The following RYR3 variants were observed in gnomAD, a reference collection of about 807,000 sequenced individuals.
RYR3 encodes ryanodine receptor 3, also known as brain ryanodine receptor-calcium release channel.
In RYR3, 207 loss-of-function variants were observed where a neutral mutation model predicts 584.3. The observed-to-expected ratio is 0.35, with a 90% CI of 0.32 to 0.40. The LOEUF is 0.40. Ranked by LOEUF, RYR3 falls within the 10% of genes least tolerant of loss-of-function variation. The pLI is 1.00. For synonymous variants in RYR3, 2,416 were observed against 2,248.5 expected, an observed-to-expected ratio of 1.07 and a Z score of -2.11; for missense variants, 5,616 against 6,089.2, an observed-to-expected ratio of 0.92 and a Z score of 2.59.
chr15:33,336,983 G>A (rs1220639559), intron 1 of RYR3, among the ~76,000 whole-genome samples: 4 of 148,838 alleles, frequency 2.7e-5, no homozygotes, highest in Non-Finnish European at 5.9e-5. Context: ...GCGTGAACCT[G>A]GGAGGTGGAG....
intron 1 of RYR3, among the ~76,000 whole-genome samples, chr15:33,459,155 A>T (rs879347800): frequency 6.6e-6 from 1 of 152,198 alleles, no homozygotes. Context: ...AGGCATCAAT[A>T]TATTTTTACA....
At chr15:33,781,198 G>C (rs1315773745) in intron 65 of RYR3, among the ~76,000 whole-genome samples, 1 of 152,162 alleles carries the variant, frequency 6.6e-6, no homozygotes, top group Admixed American at 6.5e-5. Context: ...CCTGCCTAAG[G>C]ATAAGGGAAT....
chr15:33,559,360 CAGG>C (rs1297719886), intron 10 of RYR3, among the ~76,000 whole-genome samples: 1 of 152,116 alleles, frequency 6.6e-6, no homozygotes, highest in Non-Finnish European at 1.5e-5. Context: ...TGAGGAGACA[CAGG>C]AGAGGCTTAG....
rs77967955 is a variant in RYR3 at position 33,455,239 on chromosome 15, T to C, written c.52-18180T>C. ...CACCTGTGGGAAGGAACAATTATGA[T>C]GTGAGTTTTGGATGAACTGACTTGC... On this transcript the variant is annotated intron_variant, in intron 1 of 103. Transcript: ENST00000634891. 2.5e-3 allele frequency among the ~76,000 whole-genome samples: 387 copies of C among 152,248 alleles called. 1 individual carries two copies. Among genetic ancestry groups the C allele is most frequent in the African/African-American group, 8.9e-3 (371 of 41,534 alleles).
At chr15:33,406,529 C>A (rs2043030858) in intron 1 of RYR3, among the ~76,000 whole-genome samples, 1 of 152,192 alleles carries the variant, frequency 6.6e-6, no homozygotes, top group East Asian at 1.9e-4. Flanking sequence ...CAAAGATAAC[C>A]TTTCAAGAGC....
chr15:33,594,298 C>G (rs890336243), intron 16 of RYR3, among the ~76,000 whole-genome samples: 1 of 152,164 alleles, frequency 6.6e-6, no homozygotes, highest in Non-Finnish European at 1.5e-5. Flanking sequence ...AAAACTGATT[C>G]TTATTGTACT....
intron 2 of RYR3, among the ~76,000 whole-genome samples, chr15:33,490,413 G>A (rs1056876942): frequency 3.3e-5 from 5 of 152,072 alleles, no homozygotes; most frequent in African/African-American, 7.2e-5. Flanking sequence ...ATACTTCACT[G>A]TACATCCCAA....
intron 62 of RYR3, among the ~76,000 whole-genome samples, 169 bp from the exon 63 acceptor site, chr15:33,771,751 G>A (rs960994321): frequency 2.0e-5 from 3 of 152,290 alleles, no homozygotes; most frequent in Non-Finnish European, 4.4e-5. Flanking sequence ...GGGATTGTGT[G>A]ATTCAGGTTT....
chr15:33,596,552 A>G (rs35644865), intron 16 of RYR3, among the ~76,000 whole-genome samples: 21,247 of 150,924 alleles, frequency 0.14, 1,567 homozygotes, highest in Middle Eastern at 0.18. Flanking sequence ...GATGAATAAT[A>G]CTTGTACATG....
chr15:33,628,632 C>A, intron 21 of RYR3, 57 bp downstream of exon 21: 1 of 1,063,188 alleles, frequency 9.4e-7, no homozygotes, highest in Non-Finnish European at 1.5e-6. Flanking sequence ...TTGCCTGGAA[C>A]TGTTCTTCCT....
At chr15:33,650,638 A>T (rs1222585690) in intron 31 of RYR3, among the ~76,000 whole-genome samples, 1 of 152,224 alleles carries the variant, frequency 6.6e-6, no homozygotes, top group East Asian at 1.9e-4. Flanking sequence ...GATTGGCCCC[A>T]ACATCTTCCA....
chr15:33,670,390 GAT>G, intron 37 of RYR3, 27 bp from the exon 38 acceptor site: 1 of 1,611,200 alleles, frequency 6.2e-7, no homozygotes, highest in Non-Finnish European at 8.5e-7. Flanking sequence ...CACTGCTTTG[GAT>G]TTTCACCCTG....
intron 21 of RYR3, among the ~76,000 whole-genome samples, chr15:33,628,843 G>A (rs1018722420): frequency 6.6e-6 from 1 of 152,208 alleles, no homozygotes; most frequent in Non-Finnish European, 1.5e-5. Context: ...CTCTGTATGG[G>A]TAGTGAAAAG....
intron 11 of RYR3, among the ~76,000 whole-genome samples, chr15:33,564,347 ATG>A (rs2152486505): frequency 6.6e-6 from 1 of 152,334 alleles, no homozygotes; most frequent in South Asian, 2.1e-4. Context: ...CAAAGCAGAG[ATG>A]TTGACATTAT....
chr15:33,641,059 G>A (rs1412878201), intron 27 of RYR3, among the ~76,000 whole-genome samples: 1 of 152,192 alleles, frequency 6.6e-6, no homozygotes, highest in Non-Finnish European at 1.5e-5. Context: ...TTCCTCTACG[G>A]GGCCTGGAGC....
intron 3 of RYR3, among the ~76,000 whole-genome samples, chr15:33,524,864 C>T (rs555449249): frequency 2.0e-5 from 3 of 152,186 alleles, no homozygotes; most frequent in South Asian, 2.1e-4. Context: ...TACATTTCAA[C>T]GAGATAGTAA....
At chr15:33,407,855 G>A (rs2043129296) in intron 1 of RYR3, among the ~76,000 whole-genome samples, 1 of 152,090 alleles carries the variant, frequency 6.6e-6, no homozygotes, top group African/African-American at 2.4e-5. Context: ...TAGTTAACAT[G>A]TGAGCATTTC....
intron 14 of RYR3, among the ~76,000 whole-genome samples, chr15:33,583,927 C>G (rs2058714260): frequency 6.6e-6 from 1 of 152,154 alleles, no homozygotes; most frequent in African/African-American, 2.4e-5. Context: ...TGGTGCATGC[C>G]TGTAATCCCA....
At chr15:33,384,572 T>C (rs984853242) in intron 1 of RYR3, among the ~76,000 whole-genome samples, 1 of 133,294 alleles carries the variant, frequency 7.5e-6, no homozygotes, top group Non-Finnish European at 1.6e-5. Flanking sequence ...ACTTACGGTG[T>C]ACAACCTTAT....
Sources: allele counts gnomAD v4.1 joint callset (sites outside exome capture counted in the v4.1 genomes callset), GRCh38; gene constraint gnomAD v4.1.1; transcripts MANE v1.5; gene names NCBI Gene and HGNC (gene_info 2026-07-23, HGNC 2026-07-21).